CARS2: variants seen among roughly 807,000 people sequenced by gnomAD.
CARS2 encodes the protein probable cysteine--tRNA ligase, mitochondrial.
Under a neutral mutation model 68.8 loss-of-function variants are expected in CARS2, and 52 were observed. The ratio of observed to expected loss-of-function variants is 0.76; its 90% CI spans 0.61 to 0.95. The LOEUF is 0.95. Among genes scored for constraint, CARS2 ranks in the 40% least tolerant of loss-of-function variants. The pLI is 0.00. For synonymous variants in CARS2, 314 were observed against 303.6 expected (o/e 1.03, Z -0.36); for missense variants, 780 against 754.2 (o/e 1.03, Z -0.40).
At chr13:110,647,945 C>A (rs1317597438) in intron 10 of CARS2, among the ~76,000 whole-genome samples, 1 of 152,236 alleles carries the variant, frequency 6.6e-6, no homozygotes, top group African/African-American at 2.4e-5. Flanking sequence ...TGTCTGAGTC[C>A]ACAGTCCATG....
intron 3 of CARS2, chr13:110,698,035 G>A (rs1184161521): frequency 2.2e-5 from 10 of 447,460 alleles, no homozygotes; most frequent in Non-Finnish European, 4.0e-5. Context: ...TCAGATAAAC[G>A]CCCCAGCCCA....
At chr13:110,692,057 CATAT>C (rs375987244) in intron 3 of CARS2, among the ~76,000 whole-genome samples, 2 of 133,422 alleles carry the variant, frequency 1.5e-5, no homozygotes, top group Admixed American at 1.6e-4. Flanking sequence ...TACACATATA[CATAT>C]ATATATACAC....
intron 5 of CARS2, among the ~76,000 whole-genome samples, chr13:110,686,805 G>A (rs996957953): frequency 2.0e-5 from 3 of 151,920 alleles, no homozygotes; most frequent in Non-Finnish European, 2.9e-5. Flanking sequence ...TGATCCACCC[G>A]CTTCCACCTC....
At chr13:110,674,882 T>A (rs1233219105) in intron 7 of CARS2, among the ~76,000 whole-genome samples, 2 of 151,838 alleles carry the variant, frequency 1.3e-5, no homozygotes, top group African/African-American at 4.8e-5. Context: ...AACAACCCCA[T>A]CAAAAAGTGG....
At chr13:110,669,604 T>C (rs924885457) in intron 7 of CARS2, among the ~76,000 whole-genome samples, 4 of 152,156 alleles carry the variant, frequency 2.6e-5, no homozygotes, top group African/African-American at 9.7e-5. Context: ...GTTTCCAAGA[T>C]GGCCGAATAG....
chr13:110,659,997 T>A (rs2062461870), intron 9 of CARS2, among the ~76,000 whole-genome samples: 1 of 152,256 alleles, frequency 6.6e-6, no homozygotes, highest in African/African-American at 2.4e-5. Context: ...GAGCCAATCC[T>A]CTCAAACCCT....
At chr13:110,648,069 A>G (rs1486304572) in intron 10 of CARS2, among the ~76,000 whole-genome samples, 1 of 152,232 alleles carries the variant, frequency 6.6e-6, no homozygotes, top group Non-Finnish European at 1.5e-5. Flanking sequence ...TCCTGACTTC[A>G]AAACGAGAAT....
At chr13:110,661,836 G>A (rs1220200041) in intron 9 of CARS2, among the ~76,000 whole-genome samples, 1 of 152,188 alleles carries the variant, frequency 6.6e-6, no homozygotes, top group East Asian at 1.9e-4. Flanking sequence ...TGGACAGTTG[G>A]TGGAGCAGTC....
At chr13:110,708,721 G>A (rs371550935), upstream of CARS2, among the ~76,000 whole-genome samples, 20 of 151,408 alleles carry the variant, frequency 1.3e-4, no homozygotes, top group African/African-American at 3.9e-4. Context: ...GCACACCACC[G>A]TGCCCAGCTA....
intron 11 of CARS2, 200 bp downstream of exon 11, chr13:110,646,901 T>C (rs1226856619): frequency 5.2e-6 from 3 of 579,030 alleles, no homozygotes; most frequent in Non-Finnish European, 2.9e-6. Flanking sequence ...CCCTGTGGCC[T>C]CTGGGGAGCC....
At chr13:110,666,359 C>G in intron 8 of CARS2, 1 of 985,394 alleles carries the variant, frequency 1.0e-6, no homozygotes, top group Non-Finnish European at 1.2e-6. Flanking sequence ...TGCTGGACAA[C>G]AGCTCCTAAG....
In CARS2 at chr13:110,656,238, G is replaced by A. The variant is rs2062363735; in HGVS notation, c.988-5138C>T. The stretch of plus-strand genomic sequence containing the variant: ...GAATCACTTGAACCTGGGAGGCAGA[G>A]GTTGCAGTGAGTTGAGATCACACTA... On this transcript the variant is annotated intron_variant, in intron 9 of 14. Transcript: ENST00000257347. Among the ~76,000 whole-genome samples, 3 of 152,212 alleles carry A rather than the reference G, an allele frequency of 2.0e-5. No individual in the cohort carries two copies. In the South Asian group the frequency reaches 6.2e-4, roughly 32 times the overall value.
Position 110,641,624 on chromosome 13 carries a change from G to A in CARS2, c.1624-16C>T. 6.2e-7 allele frequency: 1 copy of A among 1,603,572 alleles called. No homozygotes were observed. Among genetic ancestry groups the A allele is most frequent in the East Asian group, 2.2e-5 (1 of 44,826 alleles). ...TGCTTCTGTCCTGGAGAAGAAGAGT[G>A]AGGTCCAACTCTGAGCAGACACCAC... On this transcript the variant is annotated splice_polypyrimidine_tract_variant and intron_variant, in intron 14 of 14. Transcript: ENST00000257347.
intron 2 of CARS2, among the ~76,000 whole-genome samples, chr13:110,704,741 A>G (rs77933657): frequency 1.3e-5 from 2 of 148,548 alleles, no homozygotes; most frequent in African/African-American, 2.5e-5. Context: ...CCGTCTCAAG[A>G]AAAAAAAAAA....
chr13:110,697,251 C>T (rs939967367), intron 3 of CARS2, among the ~76,000 whole-genome samples: 1 of 152,236 alleles, frequency 6.6e-6, no homozygotes, highest in Non-Finnish European at 1.5e-5. Flanking sequence ...TAGACATTCA[C>T]GCACAGCCTT....
intron 6 of CARS2, among the ~76,000 whole-genome samples, chr13:110,680,303 G>T (rs2063124003): frequency 6.6e-6 from 1 of 152,166 alleles, no homozygotes; most frequent in South Asian, 2.1e-4. Flanking sequence ...GAGGCAGGGA[G>T]AACTGCTTGA....
chr13:110,641,664 G>A, intron 14 of CARS2, 56 bp from the exon 15 acceptor site: 1 of 1,376,956 alleles, frequency 7.3e-7, no homozygotes, highest in Non-Finnish European at 1.0e-6. Flanking sequence ...TGTGGCACAG[G>A]GGGCTGACAG....
At chr13:110,649,414 AG>A (rs11361446) in intron 10 of CARS2, 16,767 of 152,542 alleles carry the variant, frequency 0.11, 1,393 homozygotes, top group African/African-American at 0.22. Context: ...TCACGCTGAC[AG>A]GAGCTGCAGG....
upstream of CARS2, chr13:110,706,135 C>A (rs1399389484): frequency 7.9e-7 from 1 of 1,266,436 alleles, no homozygotes; most frequent in South Asian, 2.4e-5. Context: ...ACGGGAGCCA[C>A]GCCGGGTACG....
Sources: gnomAD v4.1 joint callset for allele counts (sites outside exome capture counted in the v4.1 genomes callset) on GRCh38, gnomAD v4.1.1 for gene constraint, MANE v1.5 for transcripts, NCBI Gene and HGNC (gene_info 2026-07-23, HGNC 2026-07-21) for gene names.